Variants in CLOCK observed in about 807,000 individuals in gnomAD.
CLOCK encodes the protein clock circadian regulator.
In CLOCK, 43 loss-of-function variants were observed where a neutral mutation model predicts 118.4. That is an observed-to-expected ratio of 0.36 (90% CI 0.28 to 0.47). The LOEUF (loss-of-function observed/expected upper bound fraction) is 0.47, where lower values mean the gene tolerates loss of function less well. CLOCK is among the 20% of genes least tolerant of loss of function. The pLI, the probability that CLOCK is intolerant of heterozygous loss-of-function variation, is 1.00. For synonymous variants in CLOCK, 326 were observed against 339.2 expected (o/e 0.96, Z 0.43); for missense variants, 846 against 999.9 (o/e 0.85, Z 2.08).
At chr4:55,437,946 T>C (rs1723020752) in intron 22 of CLOCK, among the ~76,000 whole-genome samples, 2 of 152,148 alleles carry the variant, frequency 1.3e-5, no homozygotes, top group African/African-American at 4.8e-5. Context: ...GAGTTTATGG[T>C]TGGCTAGAAA....
intron 8 of CLOCK, among the ~76,000 whole-genome samples, chr4:55,465,982 A>G (rs1725712556): frequency 1.3e-5 from 2 of 151,924 alleles, no homozygotes; most frequent in African/African-American, 4.8e-5. Context: ...AGGCCTGAAT[A>G]ACACAAATGC....
intron 7 of CLOCK, among the ~76,000 whole-genome samples, chr4:55,471,172 G>C (rs995739181): frequency 6.6e-6 from 1 of 152,134 alleles, no homozygotes; most frequent in Non-Finnish European, 1.5e-5. Context: ...TGTTTTGTAG[G>C]CACACAAAGG....
At position 55,500,684 on chromosome 4, in the gene CLOCK, A is replaced by G. The variant is rs139080660; in HGVS notation, c.-136+9228T>C. On this transcript the variant is annotated intron_variant, in intron 2 of 22. Transcript: ENST00000513440. ...TTTTAAGTTCTAATCAGAGAGGCTT[A>G]CTCCACTTTTGCCTATCCATTATGT... 3.2e-3 allele frequency among the ~76,000 whole-genome samples: 482 copies of G among 152,124 alleles called. 6 individuals are homozygous for G. Among genetic ancestry groups the G allele is most frequent in the African/African-American group, 0.011 (461 of 41,506 alleles).
chr4:55,539,289 G>A (rs1259137043), intron 1 of CLOCK, among the ~76,000 whole-genome samples: 2 of 150,810 alleles, frequency 1.3e-5, no homozygotes, highest in African/African-American at 4.9e-5. Context: ...CAAAAAAGGT[G>A]AAACTGCCGT....
chr4:55,541,115 A>G (rs539500983), intron 1 of CLOCK, among the ~76,000 whole-genome samples: 1 of 152,214 alleles, frequency 6.6e-6, no homozygotes, highest in Non-Finnish European at 1.5e-5. Context: ...AGTTGAGGCT[A>G]TAAGAGTAAG....
At chr4:55,448,929 G>T in intron 17 of CLOCK, 61 bp from the exon 18 acceptor site, 1 of 1,246,488 alleles carries the variant, frequency 8.0e-7, no homozygotes, top group Non-Finnish European at 1.2e-6. Context: ...AGTACTTCCA[G>T]CAGAAATATC....
intron 8 of CLOCK, among the ~76,000 whole-genome samples, chr4:55,469,939 C>A (rs1033195521): frequency 1.3e-5 from 2 of 152,138 alleles, no homozygotes; most frequent in East Asian, 3.9e-4. Context: ...AATGCCTGAG[C>A]TCAAGCAATC....
intron 2 of CLOCK, among the ~76,000 whole-genome samples, chr4:55,501,965 A>C: frequency 6.6e-6 from 1 of 152,210 alleles, no homozygotes; most frequent in South Asian, 2.1e-4. Context: ...GGGCTTTTAT[A>C]AAACATAACT....
At chr4:55,450,725 T>G in intron 15 of CLOCK, among the ~76,000 whole-genome samples, 1 of 151,684 alleles carries the variant, frequency 6.6e-6, no homozygotes, top group Non-Finnish European at 1.5e-5. Flanking sequence ...GCCGAGATCC[T>G]GCCACTGCAT....
chr4:55,479,174 A>C, intron 5 of CLOCK: 1 of 452,152 alleles, frequency 2.2e-6, no homozygotes, highest in Non-Finnish European at 3.9e-6. Context: ...CATACATTTG[A>C]CAAACATGTT....
chr4:55,440,143 C>G (rs1305777541), intron 21 of CLOCK, among the ~76,000 whole-genome samples: 2 of 152,038 alleles, frequency 1.3e-5, no homozygotes. Flanking sequence ...ATAAACAAAG[C>G]TATTATAATG....
At chr4:55,441,236 C>T (rs1267928477) in intron 21 of CLOCK, among the ~76,000 whole-genome samples, 2 of 152,150 alleles carry the variant, frequency 1.3e-5, no homozygotes, top group African/African-American at 2.4e-5. Context: ...CTTACCCAGC[C>T]AGACTGGCCA....
intron 1 of CLOCK, among the ~76,000 whole-genome samples, chr4:55,540,007 AT>A (rs57907284): frequency 0.017 from 2,287 of 135,852 alleles, 28 homozygotes; most frequent in African/African-American, 0.045. Flanking sequence ...AATGATATTA[AT>A]TTTTTTTTTT....
intron 18 of CLOCK, among the ~76,000 whole-genome samples, chr4:55,448,171 C>T (rs1028778909): frequency 1.1e-4 from 17 of 152,202 alleles, no homozygotes; most frequent in Non-Finnish European, 2.2e-4. Flanking sequence ...TTGTAGGCAT[C>T]TGTCATTCCC....
intron 22 of CLOCK, 83 bp from the exon 23 acceptor site, chr4:55,435,677 A>G: frequency 7.2e-7 from 1 of 1,395,012 alleles, no homozygotes; most frequent in African/African-American, 1.4e-5. Context: ...TCCCCTGTCC[A>G]TAGGGACAAA....
At chr4:55,538,726 A>G (rs894319300) in intron 1 of CLOCK, among the ~76,000 whole-genome samples, 1 of 152,268 alleles carries the variant, frequency 6.6e-6, no homozygotes, top group Non-Finnish European at 1.5e-5. Flanking sequence ...ATCTGAACAC[A>G]TCAAAGTGCT....
intron 22 of CLOCK, among the ~76,000 whole-genome samples, chr4:55,437,064 G>A (rs538534312): frequency 8.2e-4 from 125 of 151,940 alleles, no homozygotes; most frequent in African/African-American, 2.9e-3. Flanking sequence ...TTAAATTGTT[G>A]TTATTTCTTT....
At chr4:55,532,498 T>C (rs775564057) in intron 1 of CLOCK, among the ~76,000 whole-genome samples, 7 of 152,060 alleles carry the variant, frequency 4.6e-5, no homozygotes, top group Non-Finnish European at 7.4e-5. Flanking sequence ...CAAAAATCAG[T>C]TGCATTTCTA....
chr4:55,463,944 A>C (rs1725547601), intron 8 of CLOCK, 139 bp from the exon 9 acceptor site: 5 of 821,546 alleles, frequency 6.1e-6, no homozygotes, highest in Non-Finnish European at 9.2e-6. Flanking sequence ...TTATAGACCA[A>C]ATCTCAAAAA....
Sources: allele counts gnomAD v4.1 joint callset (sites outside exome capture counted in the v4.1 genomes callset), GRCh38; gene constraint gnomAD v4.1.1; transcripts MANE v1.5; gene names NCBI Gene and HGNC (gene_info 2026-07-23, HGNC 2026-07-21).